Variants in CSRP1 observed in about 807,000 individuals in gnomAD.
The protein encoded by CSRP1 is cysteine and glycine-rich protein 1.
In CSRP1, 16 loss-of-function variants were observed where a neutral mutation model predicts 25.4. The observed-to-expected ratio is 0.63, with a 90% CI of 0.43 to 0.96. The LOEUF (loss-of-function observed/expected upper bound fraction) is 0.96. Ranked by LOEUF, CSRP1 falls within the 40% of genes least tolerant of loss-of-function variation. The pLI is 0.00. For synonymous variants in CSRP1, 97 were observed against 95.3 expected (o/e 1.02, Z -0.10); for missense variants, 212 against 243.6 (o/e 0.87, Z 0.86).
intron 4 of CSRP1, chr1:201,487,045 T>C: frequency 8.3e-7 from 1 of 1,211,812 alleles, no homozygotes; most frequent in Non-Finnish European, 1.1e-6. Context: ...ATAATAACAA[T>C]AGCAAAACTG....
Position 201,485,381 on chromosome 1 carries a change from G to T in CSRP1, c.412-5C>A. 3.1e-6 allele frequency: 5 copies of T among 1,613,962 alleles called. No individual in the cohort carries two copies. Among genetic ancestry groups the T allele is most frequent in the Non-Finnish European group, 4.2e-6 (5 of 1,179,868 alleles). ...AAAGCAGGCCTTATGCCAGGACTAG[G>T]CAGGGAAGGAAATAGTTAATGGCTG... On this transcript the variant is annotated splice_region_variant and splice_polypyrimidine_tract_variant and intron_variant, in intron 4 of 5. Coordinates refer to ENST00000340006, the MANE Select transcript of CSRP1 (RefSeq NM_004078.3).
At chr1:201,505,854 T>A (rs888121101) in intron 1 of CSRP1, among the ~76,000 whole-genome samples, 5 of 152,158 alleles carry the variant, frequency 3.3e-5, no homozygotes, top group African/African-American at 4.8e-5. Context: ...AAATCCCACC[T>A]GGGGAAAATC....
At chr1:201,497,463 C>A (rs1664549008) in intron 1 of CSRP1, among the ~76,000 whole-genome samples, 1 of 151,806 alleles carries the variant, frequency 6.6e-6, no homozygotes, top group African/African-American at 2.4e-5. Context: ...TAACACCACC[C>A]CACATCTAAT....
Position 201,490,157 on chromosome 1 carries a change from G to A in CSRP1, c.281+19C>T, listed in dbSNP as rs770011105. 8 of 1,607,026 alleles carry A rather than the reference G, an allele frequency of 5.0e-6. 1 individual carries two copies. In the South Asian group the frequency reaches 6.6e-5, roughly 13 times the overall value. ...GGAGAGAGCTCAAGAAAAAGGTTGGGAGGGGATCTTTTACTCACTCCTCGT... is the reference window on the plus strand; with the variant it reads ...GGAGAGAGCTCAAGAAAAAGGTTGGAAGGGGATCTTTTACTCACTCCTCGT... On this transcript the variant is annotated intron_variant, in intron 3 of 5. Coordinates refer to ENST00000340006, the MANE Select transcript of CSRP1 (RefSeq NM_004078.3).
Position 201,488,992 on chromosome 1 carries a change from G to A in CSRP1, c.282-8C>T. Reference sequence around the variant, plus strand: ...GGCCTGTGGCCAGGGGCTCTGCATGGAGAAGGGCATGGGGTGAGGTGACTT... The same window carrying A: ...GGCCTGTGGCCAGGGGCTCTGCATGAAGAAGGGCATGGGGTGAGGTGACTT... On this transcript the variant is annotated splice_region_variant and splice_polypyrimidine_tract_variant and intron_variant, in intron 3 of 5. Transcript: ENST00000340006. The A allele has an allele frequency of 6.2e-7, 1 of 1,613,648 alleles. No individual in the cohort carries two copies. Among genetic ancestry groups the A allele is most frequent in the Non-Finnish European group, 8.5e-7 (1 of 1,179,802 alleles).
In CSRP1 at chr1:201,486,983, G is replaced by T. The variant is rs551503311; in HGVS notation, c.412-1607C>A. 46 of 1,300,264 alleles carry T rather than the reference G, an allele frequency of 3.5e-5. No homozygotes were observed. The South Asian group carries it at 5.0e-4, about 14-fold the overall frequency. 80.5% of individuals were successfully genotyped at this position (1,300,264 alleles called of 1,614,324 possible). ...CTGTTTTCATATCCTTTAGTCAATG[G>T]CAAGGATCTTCATTGTGACCTCAAA... On this transcript the variant is annotated intron_variant, in intron 4 of 5. Transcript: ENST00000340006.
intron 2 of CSRP1, chr1:201,490,890 CA>C (rs1664318982): frequency 6.6e-6 from 1 of 152,328 alleles, no homozygotes; most frequent in Admixed American, 6.5e-5. Context: ...ATTAAGTGCC[CA>C]ACATGGTGGG....
intron 5 of CSRP1, 78 bp from the exon 6 acceptor site, chr1:201,484,867 C>A: frequency 4.6e-6 from 6 of 1,312,158 alleles, no homozygotes; most frequent in Non-Finnish European, 6.5e-6. Flanking sequence ...GCTGAAGATC[C>A]CCCACTCCTA....
intron 1 of CSRP1, among the ~76,000 whole-genome samples, chr1:201,506,054 T>C (rs1172958501): frequency 6.6e-6 from 1 of 152,166 alleles, no homozygotes; most frequent in Admixed American, 6.5e-5. Context: ...ATTGAGAAGT[T>C]AAATAGTTTG....
intron 1 of CSRP1, chr1:201,506,663 T>G (rs1664835457): frequency 6.6e-6 from 1 of 152,116 alleles, no homozygotes; most frequent in Non-Finnish European, 1.5e-5. Context: ...CAGGCCCAGA[T>G]GTTTGCCCCA....
chr1:201,498,526 G>A (rs139599531), intron 1 of CSRP1, among the ~76,000 whole-genome samples: 36 of 152,336 alleles, frequency 2.4e-4, no homozygotes, highest in Non-Finnish European at 1.0e-4. Flanking sequence ...CCACCCTCCT[G>A]GTAACAGGGC....
rs537944088 is a variant in CSRP1, at chr1:201,483,909, C to T, written c.*804G>A. 3.1e-6 allele frequency: 2 copies of T among 651,992 alleles called. No homozygotes were observed. Among genetic ancestry groups the T allele is most frequent in the African/African-American group, 1.8e-5 (1 of 56,610 alleles). The allele number at this position is 651,992 out of a possible 1,614,324, so 40.4% of individuals were successfully genotyped here. A position where few individuals can be genotyped will look rare whatever the true frequency, so the allele number is the denominator to read the frequency against. ...CTGGCCTGGGCTCTGCTGGCCGCAG[C>T]CTCAGGAGCCAGGGTTAAGGCCAGA... On this transcript the variant is annotated 3_prime_UTR_variant, in exon 6 of 6. Transcript: ENST00000340006.
chr1:201,488,708 T>C lies in CSRP1; in HGVS notation c.411+147A>G, dbSNP rs1259446120. ...TTGGAGACTGGAAAGCACAGGTACA[T>C]GCAACCCACAGGGACAAAGAGAAGA... is the stretch of plus-strand genomic sequence containing the variant. On this transcript the variant is annotated intron_variant, in intron 4 of 5. Coordinates refer to ENST00000340006, the MANE Select transcript of CSRP1 (RefSeq NM_004078.3). 4.6e-6 allele frequency: 4 copies of C among 874,382 alleles called. No individual in the cohort carries two copies. The East Asian group carries it at 1.1e-4, about 25-fold the overall frequency. 54.2% of individuals were successfully genotyped at this position (874,382 alleles called of 1,614,324 possible).
chr1:201,497,869 G>A (rs1380847308), intron 1 of CSRP1, among the ~76,000 whole-genome samples: 1 of 152,076 alleles, frequency 6.6e-6, no homozygotes, highest in Non-Finnish European at 1.5e-5. Context: ...AATTAGTGGG[G>A]CGTGGTGGCA....
chr1:201,483,935 G>C lies in CSRP1; in HGVS notation c.*778C>G, dbSNP rs186736159. On this transcript the variant is annotated 3_prime_UTR_variant, in exon 6 of 6. Coordinates refer to ENST00000340006, the MANE Select transcript of CSRP1 (RefSeq NM_004078.3). ...CTCAGGAGCCAGGGTTAAGGCCAGA[G>C]ATAAATGAAGATTTGAGCCATTGAT... is the stretch of plus-strand genomic sequence containing the variant. 1.5e-6 allele frequency: 1 copy of C among 673,606 alleles called. No homozygotes were observed. Among genetic ancestry groups the C allele is most frequent in the East Asian group, 2.7e-5 (1 of 36,446 alleles). The allele number at this position is 673,606 out of a possible 1,614,324, so 41.7% of individuals were successfully genotyped here.
chr1:201,504,673 C>T (rs950976521), intron 1 of CSRP1, among the ~76,000 whole-genome samples: 2 of 152,134 alleles, frequency 1.3e-5, no homozygotes, highest in Non-Finnish European at 2.9e-5. Context: ...TGTTGCTAGG[C>T]GCAGTGGGTC....
chr1:201,493,894 C>G (rs1375343467), intron 2 of CSRP1, among the ~76,000 whole-genome samples: 1 of 152,196 alleles, frequency 6.6e-6, no homozygotes, highest in Non-Finnish European at 1.5e-5. Flanking sequence ...AAATCTTTGT[C>G]AGGAACCCAC....
rs1664066130 is a variant in CSRP1 at position 201,484,403 on chromosome 1, C to T, written c.*310G>A. 5.9e-6 allele frequency: 3 copies of T among 505,724 alleles called. No individual in the cohort carries two copies. Among genetic ancestry groups the T allele is most frequent in the South Asian group, 3.3e-5 (1 of 30,170 alleles). The allele number at this position is 505,724 out of a possible 1,614,324, so 31.3% of individuals were successfully genotyped here. A position where few individuals can be genotyped will look rare whatever the true frequency, so the allele number is the denominator to read the frequency against. ...TCTTGGTCAGCTGATGATGGACACG[C>T]AGCACAGGAGGCTAAGAACAGAGCT... On this transcript the variant is annotated 3_prime_UTR_variant, in exon 6 of 6. Coordinates refer to ENST00000340006, the MANE Select transcript of CSRP1 (RefSeq NM_004078.3).
intron 1 of CSRP1, among the ~76,000 whole-genome samples, chr1:201,501,303 T>C (rs1040629574): frequency 6.6e-6 from 1 of 152,194 alleles, no homozygotes; most frequent in Non-Finnish European, 1.5e-5. Context: ...CCATGCCAAA[T>C]AGGGCCAGGA....
Sources: gnomAD v4.1 joint callset for allele counts (sites outside exome capture counted in the v4.1 genomes callset) on GRCh38, gnomAD v4.1.1 for gene constraint, MANE v1.5 for transcripts, NCBI Gene and HGNC (gene_info 2026-07-23, HGNC 2026-07-21) for gene names.